The following CNTNAP5 variants were observed in gnomAD, a reference collection of about 807,000 sequenced individuals.
CNTNAP5 encodes the protein contactin-associated protein-like 5.
In CNTNAP5, 72 loss-of-function variants were observed where a neutral mutation model predicts 150.2. The ratio of observed to expected loss-of-function variants is 0.48; its 90% CI spans 0.40 to 0.58. CNTNAP5 has a LOEUF of 0.58. Among genes scored for constraint, CNTNAP5 ranks in the 20% least tolerant of loss-of-function variants. The pLI is 0.00. For missense variants in CNTNAP5, 1,636 were observed against 1,626.2 expected, an observed-to-expected ratio of 1.01 and a Z score of -0.10; for synonymous variants, 672 against 619.8, an observed-to-expected ratio of 1.08 and a Z score of -1.25.
intron 3 of CNTNAP5, among the ~76,000 whole-genome samples, chr2:124,287,571 G>A (rs1191501473): frequency 6.6e-6 from 1 of 152,096 alleles, no homozygotes; most frequent in African/African-American, 2.4e-5. Context: ...AATATTGGGA[G>A]CATTTTAGCT....
chr2:124,590,294 C>G (rs747034642), intron 11 of CNTNAP5, among the ~76,000 whole-genome samples: 1 of 152,152 alleles, frequency 6.6e-6, no homozygotes, highest in South Asian at 2.1e-4. Context: ...CCATTTGTAA[C>G]CTGTAGCAAC....
intron 14 of CNTNAP5, among the ~76,000 whole-genome samples, chr2:124,757,398 T>C (rs1231163513): frequency 6.6e-6 from 1 of 152,210 alleles, no homozygotes. Context: ...ACTCAGGGCC[T>C]GGCTCTGTGA....
At chr2:124,081,892 C>T (rs1682566035) in intron 1 of CNTNAP5, among the ~76,000 whole-genome samples, 1 of 152,138 alleles carries the variant, frequency 6.6e-6, no homozygotes, top group South Asian at 2.1e-4. Context: ...ATATCACAAC[C>T]ATGATGATGA....
intron 3 of CNTNAP5, among the ~76,000 whole-genome samples, chr2:124,359,746 AGGTGT>A (rs1251636138): frequency 3.6e-5 from 3 of 84,432 alleles, no homozygotes; most frequent in Non-Finnish European, 6.9e-5. Context: ...ATTTTGGAAT[AGGTGT>A]GGTGTGGTGC....
In CNTNAP5 at chr2:124,865,440, C is replaced by T; in HGVS notation, c.3348+4C>T. ...GGGAAGAGAGCTTACCATTCAGGTA[C>T]CTTCCTTACTTTCTCCTGCTTCAGC... On this transcript the variant is annotated splice_donor_region_variant and intron_variant, in intron 20 of 23. Coordinates refer to ENST00000682447, the MANE Select transcript of CNTNAP5 (RefSeq NM_001367498.1). 6.4e-7 allele frequency: 1 copy of T among 1,551,252 alleles called. No homozygotes were observed. The highest frequency in any genetic ancestry group is 8.7e-7 in the Non-Finnish European group (1 of 1,146,692).
At chr2:124,494,787 C>T (rs1487373291) in intron 7 of CNTNAP5, among the ~76,000 whole-genome samples, 1 of 151,178 alleles carries the variant, frequency 6.6e-6, no homozygotes, top group African/African-American at 2.4e-5. Context: ...CCTGGATTAC[C>T]TGCTATTATT....
chr2:124,771,734 C>T (rs571718023), intron 16 of CNTNAP5, among the ~76,000 whole-genome samples: 1 of 151,824 alleles, frequency 6.6e-6, no homozygotes, highest in Non-Finnish European at 1.5e-5. Flanking sequence ...CCATCACCAC[C>T]ACCGTTACCA....
chr2:124,840,080 G>A (rs907378280), intron 19 of CNTNAP5, among the ~76,000 whole-genome samples: 3 of 152,038 alleles, frequency 2.0e-5, no homozygotes, highest in Non-Finnish European at 4.4e-5. Flanking sequence ...TGAGGAGGGG[G>A]AATAATAAAG....
chr2:124,853,487 G>A (rs531454638), intron 19 of CNTNAP5, among the ~76,000 whole-genome samples: 84 of 152,172 alleles, frequency 5.5e-4, no homozygotes, highest in Non-Finnish European at 6.3e-4. Context: ...GTTCTCATCC[G>A]CTCCACTGTC....
intron 13 of CNTNAP5, among the ~76,000 whole-genome samples, chr2:124,728,067 G>C (rs1020506479): frequency 6.6e-6 from 1 of 151,900 alleles, no homozygotes; most frequent in African/African-American, 2.4e-5. Flanking sequence ...ATGATAAAAA[G>C]GTTTTCATTC....
chr2:124,696,074 A>AT (rs1679401298), intron 13 of CNTNAP5, among the ~76,000 whole-genome samples: 3 of 152,160 alleles, frequency 2.0e-5, no homozygotes, highest in Non-Finnish European at 4.4e-5. Context: ...ATTCAAATAA[A>AT]TAAAAAATAC....
At chr2:124,895,284 G>C (rs1305265911) in intron 21 of CNTNAP5, among the ~76,000 whole-genome samples, 2 of 151,486 alleles carry the variant, frequency 1.3e-5, no homozygotes, top group African/African-American at 4.9e-5. Context: ...CGACCCATTT[G>C]ATCATTCAAA....
chr2:124,580,116 A>C (rs553265016), intron 11 of CNTNAP5, among the ~76,000 whole-genome samples: 3 of 152,212 alleles, frequency 2.0e-5, no homozygotes, highest in African/African-American at 7.2e-5. Context: ...AAAACTCACT[A>C]TTCTGCTATT....
At chr2:124,271,917 G>A (rs1218719649) in intron 3 of CNTNAP5, among the ~76,000 whole-genome samples, 1 of 152,062 alleles carries the variant, frequency 6.6e-6, no homozygotes, top group Non-Finnish European at 1.5e-5. Context: ...GTTTCACTAT[G>A]TTGGTCAGGC....
intron 4 of CNTNAP5, among the ~76,000 whole-genome samples, chr2:124,430,857 T>C (rs890608482): frequency 6.6e-6 from 1 of 152,218 alleles, no homozygotes; most frequent in Non-Finnish European, 1.5e-5. Flanking sequence ...CTTTATGCTG[T>C]GCTTGAAAAT....
At chr2:124,372,769 A>AT (rs1224159002) in intron 3 of CNTNAP5, among the ~76,000 whole-genome samples, 1 of 152,098 alleles carries the variant, frequency 6.6e-6, no homozygotes, top group East Asian at 1.9e-4. Context: ...GGTTCCTGTT[A>AT]TTATAGACAG....
intron 3 of CNTNAP5, among the ~76,000 whole-genome samples, chr2:124,392,918 A>T (rs1275950792): frequency 6.6e-6 from 1 of 152,196 alleles, no homozygotes; most frequent in Non-Finnish European, 1.5e-5. Context: ...TCAGGCATGT[A>T]CAGACAATGA....
At chr2:124,707,012 GAGGAGGAGA>G (rs1359433117) in intron 13 of CNTNAP5, among the ~76,000 whole-genome samples, 2 of 74,576 alleles carry the variant, frequency 2.7e-5, no homozygotes, top group Admixed American at 3.0e-4. Context: ...GAAGAAGGAG[GAGGAGGAGA>G]AGAAGAAGAA....
intron 3 of CNTNAP5, among the ~76,000 whole-genome samples, chr2:124,370,309 GGTT>G (rs1372467995): frequency 6.6e-6 from 1 of 152,086 alleles, no homozygotes; most frequent in Non-Finnish European, 1.5e-5. Flanking sequence ...GAAGAGAAAG[GGTT>G]GCAATGGCTA....
Sources: gnomAD v4.1 joint callset for allele counts (sites outside exome capture counted in the v4.1 genomes callset) on GRCh38, gnomAD v4.1.1 for gene constraint, MANE v1.5 for transcripts, NCBI Gene and HGNC (gene_info 2026-07-23, HGNC 2026-07-21) for gene names.